The following RFNG variants were observed in gnomAD, a reference collection of about 807,000 sequenced individuals.
RFNG encodes the protein beta-1,3-N-acetylglucosaminyltransferase radical fringe.
In RFNG, 37 loss-of-function variants were observed where a neutral mutation model predicts 29.6. That is an observed-to-expected ratio of 1.25 (90% CI 0.96 to 1.65). The LOEUF (loss-of-function observed/expected upper bound fraction) is 1.65, where lower values mean the gene tolerates loss of function less well. RFNG is among the 40% of genes most tolerant of loss of function. RFNG has a pLI of 0.00. For synonymous variants in RFNG, 276 were observed against 197.3 expected (o/e 1.40, Z -3.34); for missense variants, 546 against 457.0 (o/e 1.19, Z -1.78).
intron 4 of RFNG, 55 bp from the exon 5 acceptor site, chr17:82,050,061 T>A: frequency 7.1e-7 from 1 of 1,406,866 alleles, no homozygotes; most frequent in East Asian, 2.4e-5. Context: ...CACCCCTGAC[T>A]CTTCATGGGA....
At position 82,049,705 on chromosome 17, in the gene RFNG, C is replaced by T. The variant is rs368469722; in HGVS notation, c.800G>A (p.Arg267Lys). The T allele has an allele frequency of 4.1e-5, 61 of 1,495,220 alleles. No individual in the cohort carries two copies. In the African/African-American group the frequency reaches 6.8e-4, roughly 17 times the overall value. 92.6% of individuals were successfully genotyped at this position (1,495,220 alleles called of 1,614,324 possible). The change falls in exon 6 of 8, where the codon AGG becomes AAG. Residue 267 changes from arginine to lysine, a missense_variant. By Grantham distance (26) the Arg-to-Lys change is conservative (BLOSUM62 2). Transcript: ENST00000310496. ...LFHSHLENLQ[R>K]LPPDTLLQQV... ...CTGGAGCAGGGTGTCGGGCGGCAGCCTCTGCAGGTTCTCCAGGTGAGAGTG... is the reference window on the plus strand; with the variant it reads ...CTGGAGCAGGGTGTCGGGCGGCAGCTTCTGCAGGTTCTCCAGGTGAGAGTG...
In RFNG at chr17:82,049,788, T is replaced by G; in HGVS notation, c.717A>C (p.Thr239=). 1 of 1,541,376 alleles carries G rather than the reference T, an allele frequency of 6.5e-7. No homozygotes were observed. The highest frequency in any genetic ancestry group is 1.3e-5 in the South Asian group (1 of 78,730). ...AEQVRLPDDC[T]VGYIVEGLLG... is the part of the protein sequence containing the mutation. Reference sequence around the variant, plus strand: ...GGAGCCCCTCCACGATGTAGCCAACTGTGCAGTCATCCGGCAGCCGCACCT... The same window carrying G: ...GGAGCCCCTCCACGATGTAGCCAACGGTGCAGTCATCCGGCAGCCGCACCT... The change falls in exon 6 of 8, where the codon ACA becomes ACC. Residue 239 remains threonine (T), a synonymous_variant. Coordinates refer to ENST00000310496, the MANE Select transcript of RFNG (RefSeq NM_002917.2).
rs867619152 is a variant in RFNG at position 82,048,201 on chromosome 17, C to G, written c.*525G>C. 1 of 162,312 alleles carries G rather than the reference C, an allele frequency of 6.2e-6. No homozygotes were observed. Among genetic ancestry groups the G allele is most frequent in the Admixed American group, 6.0e-5 (1 of 16,786 alleles). The allele number at this position is 162,312 out of a possible 1,614,324, so 10.1% of individuals were successfully genotyped here. A position where few individuals can be genotyped will look rare whatever the true frequency, so the allele number is the denominator to read the frequency against. On this transcript the variant is annotated 3_prime_UTR_variant, in exon 8 of 8. Coordinates refer to ENST00000310496, the MANE Select transcript of RFNG (RefSeq NM_002917.2). ...CCTGGACTGGGAGCAAAGCTCTGGTCGAGAACATGACCTTCCCGGGCCTGA... is the reference window on the plus strand; with the variant it reads ...CCTGGACTGGGAGCAAAGCTCTGGTGGAGAACATGACCTTCCCGGGCCTGA...
At position 82,051,801 on chromosome 17, in the gene RFNG, A is replaced by G; in HGVS notation, c.-35T>C. On this transcript the variant is annotated 5_prime_UTR_variant, in exon 1 of 8. Coordinates refer to ENST00000310496, the MANE Select transcript of RFNG (RefSeq NM_002917.2). This position sits in a 1 kb window ranked among gnomAD's most constrained non-coding sequence, Gnocchi z 4.1. ...GGGACCCCCGGCGCTGCGAGCGGAG[A>G]ACCTGGCCGGAGCCGTGGGTGGGCG... 8.9e-7 allele frequency: 1 copy of G among 1,128,078 alleles called. No individual in the cohort carries two copies. The highest frequency in any genetic ancestry group is 4.9e-5 in the Admixed American group (1 of 20,202). 69.9% of individuals were successfully genotyped at this position (1,128,078 alleles called of 1,614,324 possible).
chr17:82,051,042 G>A lies in RFNG; in HGVS notation c.316+252C>T, dbSNP rs1043176537. ...CTGGAAGGGCGGATTCCCTGCTGGC[G>A]CTTCTTCAGGGGACGTGGCACTAGC... On this transcript the variant is annotated intron_variant, in intron 2 of 7. Coordinates refer to ENST00000310496, the MANE Select transcript of RFNG (RefSeq NM_002917.2). This position sits in a 1 kb window ranked among gnomAD's most constrained non-coding sequence, Gnocchi z 4.1. The A allele has an allele frequency of 6.2e-5, 86 of 1,390,026 alleles. No individual in the cohort carries two copies. In the African/African-American group the frequency reaches 8.6e-4, roughly 14 times the overall value. 86.1% of individuals were successfully genotyped at this position (1,390,026 alleles called of 1,614,324 possible). A position where few individuals can be genotyped will look rare whatever the true frequency, so the allele number is the denominator to read the frequency against.
chr17:82,051,616 C>CGGGCCGGGACGGGGGCGCGCGCG lies in RFNG; in HGVS notation c.128_150dup (p.Ala51ArgfsTer109), dbSNP rs2030620898. 3.5e-6 allele frequency: 4 copies of CGGGCCGGGACGGGGGCGCGCGCG among 1,148,850 alleles called. No homozygotes were observed. In the Admixed American group the frequency reaches 1.9e-4, roughly 56 times the overall value. 71.2% of individuals were successfully genotyped at this position (1,148,850 alleles called of 1,614,324 possible). On this transcript the variant is annotated frameshift_variant, in exon 1 of 8. Transcript: ENST00000310496. LOFTEE classifies it high-confidence loss of function. This position sits in a 1 kb window ranked among gnomAD's most constrained non-coding sequence, Gnocchi z 4.1. The stretch of plus-strand genomic sequence containing the variant: ...TCGTCAGGCCGCAGGCTGGGGGCAG[C>CGGGCCGGGACGGGGGCGCGCGCG]GGGCCGGGACGGGGGCGCGCGCGGG...
chr17:82,050,061 T>G, intron 4 of RFNG, 55 bp from the exon 5 acceptor site: 4 of 1,406,866 alleles, frequency 2.8e-6, no homozygotes, highest in African/African-American at 1.4e-5. Context: ...CACCCCTGAC[T>G]CTTCATGGGA....
Position 82,050,653 on chromosome 17 carries a change from G to T in RFNG, c.419+9C>A, listed in dbSNP as rs571180672. On this transcript the variant is annotated intron_variant, in intron 3 of 7. Coordinates refer to ENST00000310496, the MANE Select transcript of RFNG (RefSeq NM_002917.2). ...TGAGCTCTCTGCGGGTCGGGTCAGC[G>T]CCGCGTACTTGCGCCCGGACTCAAT... 6 of 1,612,492 alleles carry T rather than the reference G, an allele frequency of 3.7e-6. No homozygotes were observed. In the African/African-American group the frequency reaches 8.0e-5, roughly 22 times the overall value.
At position 82,050,446 on chromosome 17, in the gene RFNG, C is replaced by A; in HGVS notation, c.529G>T (p.Asp177Tyr). The change falls in exon 4 of 8, where the codon GAC (aspartate) becomes TAC (tyrosine). Residue 177 changes from aspartate (D) to tyrosine (Y), a missense_variant. Transcript: ENST00000310496. ...QDVYLGRPSL[D>Y]HPIEATERVQ... ...CTCTCGGTGGCCTCAATGGGGTGGT[C>A]CAGGCTGGGCCGCCCCAGGTAGACG... 1.2e-6 allele frequency: 2 copies of A among 1,611,368 alleles called. No individual in the cohort carries two copies. The highest frequency in any genetic ancestry group is 1.7e-6 in the Non-Finnish European group (2 of 1,179,366).
In RFNG at chr17:82,049,726, G is replaced by C. The variant is rs2030157708; in HGVS notation, c.779C>G (p.Ser260Cys). ...ARLLHSPLFHSHLENLQRLPP... is the reference protein window; with the variant it reads ...ARLLHSPLFHCHLENLQRLPP... Reference sequence around the variant, plus strand: ...CAGCCTCTGCAGGTTCTCCAGGTGAGAGTGGAAGAGGGGGCTGTGCAGCAG... The same window carrying C: ...CAGCCTCTGCAGGTTCTCCAGGTGACAGTGGAAGAGGGGGCTGTGCAGCAG... The change falls in exon 6 of 8, where the codon TCT becomes TGT. Residue 260 changes from serine (S) to cysteine (C), a missense_variant. Coordinates refer to ENST00000310496, the MANE Select transcript of RFNG (RefSeq NM_002917.2). 6.6e-7 allele frequency: 1 copy of C among 1,512,974 alleles called. No individual in the cohort carries two copies. Among genetic ancestry groups the C allele is most frequent in the Non-Finnish European group, 8.8e-7 (1 of 1,133,770 alleles). The allele number at this position is 1,512,974 out of a possible 1,614,324, so 93.7% of individuals were successfully genotyped here.
intron 4 of RFNG, 117 bp downstream of exon 4, chr17:82,050,285 A>T: frequency 8.0e-7 from 1 of 1,242,414 alleles, no homozygotes; most frequent in Non-Finnish European, 1.1e-6. Flanking sequence ...TGGGTGGATC[A>T]GCTTGGGCCC....
At position 82,048,867 on chromosome 17, in the gene RFNG, C is replaced by T. The variant is rs989838740; in HGVS notation, c.915-60G>A. ...GCGGAGAGAGAAGCGGGGGCCAGGGCCGTGGGCGGCGGGAGAACCTGGGGT... is the reference window on the plus strand; with the variant it reads ...GCGGAGAGAGAAGCGGGGGCCAGGGTCGTGGGCGGCGGGAGAACCTGGGGT... On this transcript the variant is annotated intron_variant, in intron 7 of 7. Coordinates refer to ENST00000310496, the MANE Select transcript of RFNG (RefSeq NM_002917.2). 1.2e-5 allele frequency: 19 copies of T among 1,525,786 alleles called. No individual in the cohort carries two copies. The South Asian group carries it at 1.7e-4, about 13-fold the overall frequency. The allele number at this position is 1,525,786 out of a possible 1,614,324, so 94.5% of individuals were successfully genotyped here.
Position 82,051,009 on chromosome 17 carries a change from G to A in RFNG, c.317-245C>T, listed in dbSNP as rs527348836. ...AAACAGGACGGAGGCAGCTCGCCCT[G>A]ACCTGGCCTGGAAGGGCGGATTCCC... On this transcript the variant is annotated intron_variant, in intron 2 of 7. Coordinates refer to ENST00000310496, the MANE Select transcript of RFNG (RefSeq NM_002917.2). The surrounding 1 kb of genome is among the most constrained non-coding windows in gnomAD (Gnocchi z 4.1). 3.8e-5 allele frequency: 53 copies of A among 1,408,778 alleles called. 2 individuals carry two copies. The South Asian group carries it at 7.8e-4, about 21-fold the overall frequency. 87.3% of individuals were successfully genotyped at this position (1,408,778 alleles called of 1,614,324 possible). A position where few individuals can be genotyped will look rare whatever the true frequency, so the allele number is the denominator to read the frequency against.
At chr17:82,049,140 A>T in intron 6 of RFNG, 24 bp from the exon 7 acceptor site, 1 of 1,601,494 alleles carries the variant, frequency 6.2e-7, no homozygotes, top group Non-Finnish European at 8.5e-7. Flanking sequence ...GTGTGGGCAG[A>T]GTGTGTGGCC....
chr17:82,048,953 G>A, intron 7 of RFNG, 78 bp downstream of exon 7: 2 of 1,510,848 alleles, frequency 1.3e-6, no homozygotes, highest in South Asian at 1.1e-5. Context: ...AGCAGCGGGG[G>A]TCAGGGCCGT....
chr17:82,051,232 T>TTTC lies in RFNG; in HGVS notation c.316+61_316+62insGAA, dbSNP rs2030510294. 4 of 1,318,234 alleles carry TTTC rather than the reference T, an allele frequency of 3.0e-6. No homozygotes were observed. The African/African-American group carries it at 6.1e-5, about 20-fold the overall frequency. The allele number at this position is 1,318,234 out of a possible 1,614,324, so 81.7% of individuals were successfully genotyped here. A position where few individuals can be genotyped will look rare whatever the true frequency, so the allele number is the denominator to read the frequency against. ...CCCACAGCAGCGAAGGGGCCGTGGCTTCGGAGCGAGAAAGGCTCGGGGGGC... is the reference window on the plus strand; with the variant it reads ...CCCACAGCAGCGAAGGGGCCGTGGCTTTCTCGGAGCGAGAAAGGCTCGGGGGGC... On this transcript the variant is annotated intron_variant, in intron 2 of 7. Transcript: ENST00000310496. The surrounding 1 kb of genome is among the most constrained non-coding windows in gnomAD (Gnocchi z 4.1).
rs2030443490 is a variant in RFNG, at chr17:82,050,934, G to A, written c.317-170C>T. The stretch of plus-strand genomic sequence containing the variant: ...TAGCCCTCACGCGCTGACCCTGCTG[G>A]TGCCACCGAGGCTGAAGCAGGCGGC... On this transcript the variant is annotated intron_variant, in intron 2 of 7. Coordinates refer to ENST00000310496, the MANE Select transcript of RFNG (RefSeq NM_002917.2). 10 of 1,415,486 alleles carry A rather than the reference G, an allele frequency of 7.1e-6. No homozygotes were observed. The South Asian group carries it at 1.2e-4, about 17-fold the overall frequency. The allele number at this position is 1,415,486 out of a possible 1,614,324, so 87.7% of individuals were successfully genotyped here. A position where few individuals can be genotyped will look rare whatever the true frequency, so the allele number is the denominator to read the frequency against.
Position 82,049,945 on chromosome 17 carries a change from A to C in RFNG, c.635T>G (p.Leu212Arg). The change falls in exon 5 of 8, where the codon CTT becomes CGT. Residue 212 changes from leucine (L) to arginine (R), a missense_variant. Coordinates refer to ENST00000310496, the MANE Select transcript of RFNG (RefSeq NM_002917.2). ...GGCCCATGGGCTCATCTTGAGGGCA[A>C]GGCCTCTGCTGAGGCAGAACCCGGC... ...GGAGFCLSRG[L>R]ALKMSPWASL... 1.2e-6 allele frequency: 2 copies of C among 1,612,598 alleles called. No homozygotes were observed. The highest frequency in any genetic ancestry group is 1.7e-6 in the Non-Finnish European group (2 of 1,179,772).
intron 7 of RFNG, 57 bp downstream of exon 7, chr17:82,048,974 A>T: frequency 6.4e-7 from 1 of 1,562,174 alleles, no homozygotes; most frequent in Non-Finnish European, 8.8e-7. Flanking sequence ...GGGTAGAGGG[A>T]GCTGATGCCA....
Sources: allele counts gnomAD v4.1 joint callset, GRCh38; gene constraint gnomAD v4.1.1; non-coding constraint Gnocchi (gnomAD v3.1); transcripts MANE v1.5; gene names NCBI Gene and HGNC (gene_info 2026-07-23, HGNC 2026-07-21).